Variants in GRAMD1C observed in about 807,000 individuals in gnomAD.
The protein encoded by GRAMD1C is GRAM domain containing 1C, also known as protein Aster-C.
A neutral mutation model predicts 97.8 loss-of-function variants in GRAMD1C; 89 were observed. The observed-to-expected ratio is 0.91, with a 90% CI of 0.77 to 1.09. The LOEUF is 1.09. Among genes scored for constraint, GRAMD1C ranks in the 50% least tolerant of loss-of-function variants. The pLI, the probability that GRAMD1C is intolerant of heterozygous loss-of-function variation, is 0.00. For synonymous variants in GRAMD1C, 256 were observed against 267.0 expected (o/e 0.96, Z 0.40); for missense variants, 740 against 766.4 (o/e 0.97, Z 0.41).
intron 2 of GRAMD1C, among the ~76,000 whole-genome samples, chr3:113,847,609 T>C (rs1408441211): frequency 3.9e-5 from 6 of 152,244 alleles, no homozygotes; most frequent in African/African-American, 1.4e-4. Context: ...GCTGTTGTTT[T>C]CTTCATTCTC....
chr3:113,887,343 T>C (rs1035427383), intron 6 of GRAMD1C, among the ~76,000 whole-genome samples: 51 of 151,870 alleles, frequency 3.4e-4, no homozygotes, highest in African/African-American at 1.2e-3. Flanking sequence ...TCACCCACCT[T>C]GGCCTCCCAA....
chr3:113,919,216 C>T lies in GRAMD1C; in HGVS notation c.1090+3378C>T, dbSNP rs1486818965. 8.2e-6 allele frequency: 3 copies of T among 363,846 alleles called. No individual in the cohort carries two copies. The East Asian group carries it at 2.2e-4, about 27-fold the overall frequency. The allele number at this position is 363,846 out of a possible 1,614,324, so 22.5% of individuals were successfully genotyped here. A position where few individuals can be genotyped will look rare whatever the true frequency, so the allele number is the denominator to read the frequency against. On this transcript the variant is annotated intron_variant, in intron 10 of 17. Coordinates refer to ENST00000358160, the MANE Select transcript of GRAMD1C (RefSeq NM_017577.5). ...AAGTAGCGGGGATGTGGTGGCCGTG[C>T]TGACAATGAGTTTTCTTGAAGGCTT... is the stretch of plus-strand genomic sequence containing the variant.
intron 10 of GRAMD1C, among the ~76,000 whole-genome samples, chr3:113,924,524 T>G (rs1338849435): frequency 2.0e-5 from 3 of 152,248 alleles, no homozygotes; most frequent in Admixed American, 2.0e-4. Flanking sequence ...TTTCATTGTT[T>G]ACTCAGAAGT....
At chr3:113,885,202 C>A in intron 6 of GRAMD1C, 1 of 729,264 alleles carries the variant, frequency 1.4e-6, no homozygotes, top group Non-Finnish European at 2.3e-6. Context: ...CACTTGGGGC[C>A]CCCGTTCCCC....
chr3:113,879,160 G>A (rs1052989464), intron 5 of GRAMD1C, among the ~76,000 whole-genome samples: 30 of 151,260 alleles, frequency 2.0e-4, no homozygotes, highest in Non-Finnish European at 3.1e-4. Context: ...AGTCGAGACC[G>A]CGCCACTGCA....
chr3:113,836,030 G>A (rs1019805829), upstream of GRAMD1C, among the ~76,000 whole-genome samples: 16 of 152,180 alleles, frequency 1.1e-4, no homozygotes, highest in Admixed American at 3.3e-4. Context: ...TTGGGAGGTT[G>A]TGGCGGGTGG....
intron 9 of GRAMD1C, among the ~76,000 whole-genome samples, chr3:113,911,696 T>TTTCCTTCC (rs773332639): frequency 1.3e-5 from 1 of 78,778 alleles, no homozygotes; most frequent in African/African-American, 4.4e-5. Flanking sequence ...TCTCTGTTTC[T>TTTCCTTCC]TTCCTTCCTT....
intron 15 of GRAMD1C, 78 bp from the exon 16 acceptor site, chr3:113,939,808 C>G: frequency 2.7e-6 from 2 of 749,472 alleles, no homozygotes; most frequent in Non-Finnish European, 4.8e-6. Flanking sequence ...ATTTTTGAAG[C>G]TTTTGCATGT....
intron 6 of GRAMD1C, 100 bp from the exon 7 acceptor site, chr3:113,900,931 C>T: frequency 3.0e-6 from 2 of 664,272 alleles, no homozygotes; most frequent in East Asian, 2.7e-5. Flanking sequence ...CTAGTCTTTG[C>T]ACAACAGGTC....
intron 5 of GRAMD1C, among the ~76,000 whole-genome samples, chr3:113,879,008 C>G (rs1271578405): frequency 6.6e-6 from 1 of 152,020 alleles, no homozygotes; most frequent in Admixed American, 6.6e-5. Flanking sequence ...AGTTCGAGAC[C>G]AGCCTGGCCA....
chr3:113,886,409 T>A (rs2566974), intron 6 of GRAMD1C, among the ~76,000 whole-genome samples: 45,541 of 151,850 alleles, frequency 0.3, 7,837 homozygotes, highest in East Asian at 0.63. Flanking sequence ...TCGATTTTTT[T>A]AAAAAACTCT....
chr3:113,890,740 T>A (rs1222232420), intron 6 of GRAMD1C: 1 of 700,496 alleles, frequency 1.4e-6, no homozygotes, highest in Non-Finnish European at 2.6e-6. Flanking sequence ...CAATGTCACA[T>A]TTGTGCTTAT....
intron 2 of GRAMD1C, among the ~76,000 whole-genome samples, chr3:113,866,146 T>C (rs1934577135): frequency 6.6e-6 from 1 of 152,238 alleles, no homozygotes; most frequent in Non-Finnish European, 1.5e-5. Context: ...GTTTTCTGTG[T>C]AGTCATTCTA....
At chr3:113,896,064 G>C (rs909200863) in intron 6 of GRAMD1C, among the ~76,000 whole-genome samples, 1 of 152,084 alleles carries the variant, frequency 6.6e-6, no homozygotes, top group African/African-American at 2.4e-5. Flanking sequence ...GGCATACAAG[G>C]CTCTTCATGA....
intron 11 of GRAMD1C, among the ~76,000 whole-genome samples, chr3:113,932,886 CTT>C (rs11370149): frequency 5.6e-5 from 8 of 141,986 alleles, no homozygotes; most frequent in African/African-American, 7.8e-5. Flanking sequence ...TTTCTTCTTT[CTT>C]TTTTTTTTTT....
At chr3:113,856,131 G>T (rs547023986) in intron 2 of GRAMD1C, among the ~76,000 whole-genome samples, 2 of 152,042 alleles carry the variant, frequency 1.3e-5, no homozygotes, top group Admixed American at 6.6e-5. Context: ...CAAGTGATCT[G>T]CCCACCTCGG....
At chr3:113,938,258 C>A in intron 15 of GRAMD1C, 115 bp downstream of exon 15, 1 of 478,340 alleles carries the variant, frequency 2.1e-6, no homozygotes, top group Non-Finnish European at 3.6e-6. Context: ...CACTATTTGA[C>A]TATTGCCGGC....
intron 7 of GRAMD1C, among the ~76,000 whole-genome samples, chr3:113,901,664 A>G (rs1452733075): frequency 6.6e-6 from 1 of 152,212 alleles, no homozygotes; most frequent in Non-Finnish European, 1.5e-5. Context: ...AGATAATGTG[A>G]TAAAGAAATT....
At chr3:113,882,414 AAAAT>A (rs1935302949) in intron 5 of GRAMD1C, among the ~76,000 whole-genome samples, 1 of 152,194 alleles carries the variant, frequency 6.6e-6, no homozygotes, top group African/African-American at 2.4e-5. Flanking sequence ...AGTTCAGAAT[AAAAT>A]AAAGTTTCAT....
Sources: allele counts gnomAD v4.1 joint callset (sites outside exome capture counted in the v4.1 genomes callset), GRCh38; gene constraint gnomAD v4.1.1; transcripts MANE v1.5; gene names NCBI Gene and HGNC (gene_info 2026-07-23, HGNC 2026-07-21).